Variants in COL4A6 observed in about 807,000 individuals in gnomAD.
COL4A6 encodes the protein collagen type IV alpha 6 chain, also known as collagen alpha-6(IV) chain.
A neutral mutation model predicts 126.7 loss-of-function variants in COL4A6; 59 were observed. The ratio of observed to expected loss-of-function variants is 0.47; its 90% CI spans 0.38 to 0.58. COL4A6 has a LOEUF of 0.58. COL4A6 is among the 20% of genes least tolerant of loss of function. The pLI is 0.00. For synonymous variants in COL4A6, 547 were observed against 496.6 expected (o/e 1.10, Z -1.35); for missense variants, 1,285 against 1,337.3 (o/e 0.96, Z 0.61).
chrX:108,187,343 A>T, intron 22 of COL4A6, 64 bp from the exon 23 acceptor site: 1 of 929,351 alleles, frequency 1.1e-6, no homozygotes, highest in Non-Finnish European at 1.4e-6. Flanking sequence ...CAGTCCTCTG[A>T]CTACAGGAAA....
At chrX:108,365,376 G>C (rs936336672) in intron 2 of COL4A6, among the ~76,000 whole-genome samples, 1 of 111,838 alleles carries the variant, frequency 8.9e-6, no homozygotes, top group Non-Finnish European at 1.9e-5. Flanking sequence ...AATGAAATAA[G>C]CAAGAAAGCA....
chrX:108,341,478 T>C (rs1398071544), intron 2 of COL4A6, among the ~76,000 whole-genome samples: 1 of 110,757 alleles, frequency 9.0e-6, no homozygotes, highest in Non-Finnish European at 1.9e-5. Flanking sequence ...GACATGATGG[T>C]TTTATAAGGG....
chrX:108,325,560 T>G (rs1480758999), intron 2 of COL4A6, among the ~76,000 whole-genome samples: 2 of 111,761 alleles, frequency 1.8e-5, no homozygotes. Context: ...CCTACACAAA[T>G]TCTCCCAGAA....
At chrX:108,371,973 C>T (rs755565562) in intron 2 of COL4A6, among the ~76,000 whole-genome samples, 3 of 110,377 alleles carry the variant, frequency 2.7e-5, no homozygotes, top group South Asian at 3.9e-4. Context: ...GTTGAGCTGC[C>T]GCTGAGATCA....
In COL4A6 at chrX:108,203,381, A is replaced by G. The variant is rs143322429; in HGVS notation, c.781-400T>C. On this transcript the variant is annotated intron_variant, in intron 12 of 44. Coordinates refer to ENST00000334504, the MANE Select transcript of COL4A6 (RefSeq NM_033641.4). ...ACAATTACAATTTGGATAGGGACAC[A>G]TAACCATCTGATCTGTCATTCCCTG... Among the ~76,000 whole-genome samples, 118 of 112,309 alleles carry G rather than the reference A, an allele frequency of 1.1e-3. 5 individuals carry two copies. In the East Asian group the frequency reaches 0.032, roughly 31 times the overall value.
intron 20 of COL4A6, 67 bp downstream of exon 20, chrX:108,190,321 GTTTT>G: frequency 5.5e-6 from 4 of 730,416 alleles, no homozygotes; most frequent in Non-Finnish European, 8.3e-6. Context: ...GAGGCTGTTG[GTTTT>G]CTCATTCCCC....
At chrX:108,407,066 C>T (rs2041221377) in intron 2 of COL4A6, among the ~76,000 whole-genome samples, 1 of 112,315 alleles carries the variant, frequency 8.9e-6, no homozygotes, top group African/African-American at 3.2e-5. Context: ...CCAACTGCCA[C>T]AGTTTTATGG....
intron 2 of COL4A6, among the ~76,000 whole-genome samples, chrX:108,323,839 C>A (rs1480420863): frequency 1.8e-5 from 2 of 111,986 alleles, no homozygotes; most frequent in South Asian, 7.4e-4. Context: ...GAAACTGTGG[C>A]AATAGTTTTC....
chrX:108,248,430 T>C (rs1322752635), intron 3 of COL4A6, among the ~76,000 whole-genome samples: 1 of 110,421 alleles, frequency 9.1e-6, no homozygotes, highest in Non-Finnish European at 1.9e-5. Flanking sequence ...CTGTGGACTT[T>C]GGTTTATGTG....
chrX:108,169,001 T>C (rs2034213011), intron 37 of COL4A6, among the ~76,000 whole-genome samples: 1 of 111,425 alleles, frequency 9.0e-6, no homozygotes, highest in African/African-American at 3.3e-5. Flanking sequence ...GAACCTGCTT[T>C]CTAGTAAACC....
intron 2 of COL4A6, among the ~76,000 whole-genome samples, chrX:108,370,061 G>A (rs1351672139): frequency 1.8e-5 from 2 of 112,239 alleles, no homozygotes; most frequent in African/African-American, 3.2e-5. Flanking sequence ...AAAGATGAAA[G>A]TGGGAACTTC....
chrX:108,344,882 T>C (rs1244148892), intron 2 of COL4A6, among the ~76,000 whole-genome samples: 2 of 112,075 alleles, frequency 1.8e-5, no homozygotes, highest in Non-Finnish European at 3.8e-5. Flanking sequence ...TGGATATGAC[T>C]TATATTTCCA....
intron 6 of COL4A6, chrX:108,213,830 G>A (rs1284955568): frequency 3.5e-6 from 1 of 288,988 alleles, no homozygotes; most frequent in Non-Finnish European, 6.0e-6. Flanking sequence ...TGTGTATTTT[G>A]CCATGAAATT....
chrX:108,244,903 T>G lies in COL4A6; in HGVS notation c.145-23529A>C, dbSNP rs981384034. On this transcript the variant is annotated intron_variant, in intron 3 of 44. Coordinates refer to ENST00000334504, the MANE Select transcript of COL4A6 (RefSeq NM_033641.4). The stretch of plus-strand genomic sequence containing the variant: ...AAGAGATTTCTCTTTTCAGACACCA[T>G]TCAGATGTTCCCTTACATTAGCAGA... Among the ~76,000 whole-genome samples the G allele has an allele frequency of 2.7e-5, 3 of 112,015 alleles. No homozygotes were observed. In the East Asian group the frequency reaches 8.5e-4, roughly 32 times the overall value.
chrX:108,278,587 A>G (rs1339724080), intron 3 of COL4A6, among the ~76,000 whole-genome samples: 1 of 110,659 alleles, frequency 9.0e-6, no homozygotes, highest in Admixed American at 9.6e-5. Context: ...TATCCAGGAG[A>G]ACTACCCCAA....
chrX:108,210,409 G>C (rs780092790), intron 7 of COL4A6, among the ~76,000 whole-genome samples: 2 of 112,165 alleles, frequency 1.8e-5, no homozygotes, highest in South Asian at 3.7e-4. Flanking sequence ...TGTATACGAT[G>C]CAAATCGGTC....
chrX:108,354,905 A>G (rs1267435727), intron 2 of COL4A6, among the ~76,000 whole-genome samples: 1 of 110,550 alleles, frequency 9.0e-6, no homozygotes, highest in African/African-American at 3.3e-5. Context: ...TTGCTATTCA[A>G]ACCCTCAAAT....
intron 2 of COL4A6, among the ~76,000 whole-genome samples, chrX:108,425,347 T>TA (rs986036373): frequency 9.0e-6 from 1 of 110,791 alleles, no homozygotes; most frequent in Non-Finnish European, 1.9e-5. Flanking sequence ...GATAGCAAGA[T>TA]AAAAAAGCCC....
At chrX:108,164,729 C>A in intron 39 of COL4A6, 31 bp from the exon 40 acceptor site, 2 of 1,200,371 alleles carry the variant, frequency 1.7e-6, no homozygotes, top group Non-Finnish European at 2.3e-6. Context: ...CAAGTCAGGT[C>A]CCGGCATGGT....
Sources: gnomAD v4.1 joint callset for allele counts (sites outside exome capture counted in the v4.1 genomes callset) on GRCh38, gnomAD v4.1.1 for gene constraint, MANE v1.5 for transcripts, NCBI Gene and HGNC (gene_info 2026-07-23, HGNC 2026-07-21) for gene names.